Variants in ITPR1 observed in about 807,000 individuals in gnomAD.
ITPR1 encodes inositol 1,4,5-trisphosphate-gated calcium channel ITPR1.
Under a neutral mutation model 318.4 loss-of-function variants are expected in ITPR1, and 96 were observed. The ratio of observed to expected loss-of-function variants is 0.30; its 90% CI spans 0.26 to 0.36. The LOEUF is 0.36. Ranked by LOEUF, ITPR1 falls within the 10% of genes least tolerant of loss-of-function variation. The pLI is 1.00. For synonymous variants in ITPR1, 1,312 were observed against 1,289.9 expected, an observed-to-expected ratio of 1.02 and a Z score of -0.37; for missense variants, 2,440 against 3,460.2, an observed-to-expected ratio of 0.71 and a Z score of 7.40.
chr3:4,754,058 G>T (rs576612091), intron 44 of ITPR1, among the ~76,000 whole-genome samples: 1 of 136,848 alleles, frequency 7.3e-6, no homozygotes. Flanking sequence ...TGGGGGGGGG[G>T]TGGCAAGGAT....
In ITPR1 at chr3:4,820,614, T is replaced by G. The variant is rs181127123; in HGVS notation, c.8028+2372T>G. On this transcript the variant is annotated intron_variant, in intron 60 of 61. Coordinates refer to ENST00000649015, the MANE Select transcript of ITPR1 (RefSeq NM_001378452.1). The stretch of plus-strand genomic sequence containing the variant: ...TGGTGTGCTTTCTCCATCCACATCA[T>G]TCTTTGATTATATGAGACATCTTGT... Among the ~76,000 whole-genome samples the G allele has an allele frequency of 2.7e-3, 406 of 152,316 alleles. 3 individuals are homozygous for G. Among genetic ancestry groups the G allele is most frequent in the African/African-American group, 9.2e-3 (381 of 41,572 alleles).
In ITPR1 at chr3:4,710,435, C is replaced by T. The variant is rs759265655; in HGVS notation, c.4953C>T (p.Asp1651=). 66 of 1,554,118 alleles carry T rather than the reference C, an allele frequency of 4.2e-5. No homozygotes were observed. The highest frequency in any genetic ancestry group is 2.7e-4 in the South Asian group (23 of 84,176). ...RPELLFPENT[D]ARRKCESGGF... ...AGCTGCTTTTCCCAGAGAACACAGA[C>T]GCCAGAAGGAAATGTGAAAGTGGCG... The change falls in exon 38 of 62, where the codon GAC becomes GAT. Residue 1651 remains aspartate, a synonymous_variant. Coordinates refer to ENST00000649015, the MANE Select transcript of ITPR1 (RefSeq NM_001378452.1). This position sits in a 1 kb window ranked among gnomAD's most constrained non-coding sequence, Gnocchi z 4.2.
intron 6 of ITPR1, 54 bp downstream of exon 6, chr3:4,639,524 C>G (rs2093286338): frequency 7.6e-7 from 1 of 1,317,490 alleles, no homozygotes; most frequent in South Asian, 1.3e-5. Context: ...AAGAATGCAG[C>G]TGAGGAAACA....
chr3:4,549,047 C>T (rs2085302936), intron 4 of ITPR1, among the ~76,000 whole-genome samples: 1 of 152,206 alleles, frequency 6.6e-6, no homozygotes, highest in South Asian at 2.1e-4. Flanking sequence ...CCAGGCCACT[C>T]TTGGTTGTCA....
At chr3:4,539,058 G>A (rs1201116571) in intron 4 of ITPR1, among the ~76,000 whole-genome samples, 1 of 152,072 alleles carries the variant, frequency 6.6e-6, no homozygotes, top group South Asian at 2.1e-4. Flanking sequence ...TTATATGTAT[G>A]CATATGAAAT....
At chr3:4,839,550 G>C (rs2051185104) in intron 61 of ITPR1, among the ~76,000 whole-genome samples, 1 of 152,008 alleles carries the variant, frequency 6.6e-6, no homozygotes. Context: ...GACTGTTTAA[G>C]TTCTTACTCT....
At position 4,800,438 on chromosome 3, in the gene ITPR1, C is replaced by T. The variant is rs762235869; in HGVS notation, c.6945C>T (p.Pro2315=). The T allele has an allele frequency of 3.1e-6, 5 of 1,613,714 alleles. No individual in the cohort carries two copies. Among genetic ancestry groups the T allele is most frequent in the East Asian group, 4.5e-5 (2 of 44,880 alleles). Residue 2315 remains proline, a synonymous_variant, in exon 54 of 62, where the codon CCC becomes CCT. Transcript: ENST00000649015. ...TTGTCCTTGCAGGAACCCTGGAGCCCCACTGGTCGGGACTCCTGTGGACAG... is the reference window on the plus strand; with the variant it reads ...TTGTCCTTGCAGGAACCCTGGAGCCTCACTGGTCGGGACTCCTGTGGACAG... ...FKGVRGGTLE[P]HWSGLLWTAM...
At chr3:4,795,223 A>C (rs754186314) in intron 53 of ITPR1, 36 bp downstream of exon 53, 36 of 1,600,118 alleles carry the variant, frequency 2.2e-5, no homozygotes, top group Non-Finnish European at 3.0e-5. Context: ...TCCTATTAGA[A>C]GCAGCAGGAA....
chr3:4,692,390 G>T (rs1160590858), intron 32 of ITPR1, among the ~76,000 whole-genome samples: 1 of 152,176 alleles, frequency 6.6e-6, no homozygotes, highest in Non-Finnish European at 1.5e-5. Context: ...GTCCTAAGCA[G>T]TTTGTCTATA....
intron 4 of ITPR1, among the ~76,000 whole-genome samples, chr3:4,613,342 G>C (rs1328572030): frequency 6.6e-6 from 1 of 152,224 alleles, no homozygotes; most frequent in Non-Finnish European, 1.5e-5. Context: ...CCCTCAGAGG[G>C]ATGACTTTGA....
At chr3:4,637,549 C>G (rs1225956271) in intron 5 of ITPR1, among the ~76,000 whole-genome samples, 1 of 152,218 alleles carries the variant, frequency 6.6e-6, no homozygotes, top group Admixed American at 6.5e-5. Context: ...CTGAATGTGT[C>G]TTGCACCCAG....
intron 51 of ITPR1, among the ~76,000 whole-genome samples, chr3:4,786,849 T>A (rs185895529): frequency 1.3e-5 from 2 of 152,238 alleles, no homozygotes; most frequent in East Asian, 3.9e-4. Context: ...ATGTTTTAGA[T>A]CCTTTGACAA....
chr3:4,796,669 G>A (rs975245654), intron 53 of ITPR1, among the ~76,000 whole-genome samples: 4 of 152,192 alleles, frequency 2.6e-5, no homozygotes, highest in Non-Finnish European at 5.9e-5. Flanking sequence ...TCTGGGGACA[G>A]GGAGTTAACA....
intron 60 of ITPR1, among the ~76,000 whole-genome samples, chr3:4,827,702 C>A (rs953157174): frequency 6.6e-6 from 1 of 151,966 alleles, no homozygotes; most frequent in Admixed American, 6.6e-5. Context: ...ATTCAGAGTG[C>A]GGATAGGAGT....
intron 44 of ITPR1, among the ~76,000 whole-genome samples, chr3:4,759,405 G>A (rs2045270608): frequency 6.6e-6 from 1 of 152,218 alleles, no homozygotes; most frequent in African/African-American, 2.4e-5. Flanking sequence ...TTATCAGAAG[G>A]TAAGAATGTA....
Position 4,781,628 on chromosome 3 carries a change from C to T in ITPR1, c.6388-991C>T, listed in dbSNP as rs148822309. Among the ~76,000 whole-genome samples the T allele has an allele frequency of 2.4e-4, 36 of 152,280 alleles. No homozygotes were observed. In the East Asian group the frequency reaches 6.9e-3, roughly 29 times the overall value. ...AGGGCCAAGTTCACATCCCAGCTCA[C>T]CACCTGTGACTTTAGGAATGTTCTT... On this transcript the variant is annotated intron_variant, in intron 49 of 61. Transcript: ENST00000649015.
chr3:4,690,060 T>G (rs1437660541), intron 31 of ITPR1, among the ~76,000 whole-genome samples: 1 of 152,220 alleles, frequency 6.6e-6, no homozygotes, highest in African/African-American at 2.4e-5. Context: ...GCGGATCACT[T>G]GAGATCAGGA....
At chr3:4,554,712 A>T in intron 4 of ITPR1, among the ~76,000 whole-genome samples, 1 of 152,006 alleles carries the variant, frequency 6.6e-6, no homozygotes, top group Non-Finnish European at 1.5e-5. Flanking sequence ...GGGGCCAGTG[A>T]CTCGAAATAT....
At chr3:4,764,366 G>A (rs1030371734) in intron 44 of ITPR1, among the ~76,000 whole-genome samples, 27 of 152,352 alleles carry the variant, frequency 1.8e-4, no homozygotes, top group African/African-American at 6.5e-4. Flanking sequence ...GAGCCATAAA[G>A]TGTTGGGTTA....
Sources: allele counts gnomAD v4.1 joint callset (sites outside exome capture counted in the v4.1 genomes callset), GRCh38; gene constraint gnomAD v4.1.1; non-coding constraint Gnocchi (gnomAD v3.1); transcripts MANE v1.5; gene names NCBI Gene and HGNC (gene_info 2026-07-23, HGNC 2026-07-21).